The following PPP1R37 variants were observed in gnomAD, a reference collection of about 807,000 sequenced individuals.
The protein encoded by PPP1R37 is protein phosphatase 1 regulatory subunit 37, also known as leucine rich repeat containing 68.
PPP1R37 carries 21 observed loss-of-function variants against 61.0 expected under a neutral mutation model. That is an observed-to-expected ratio of 0.34 (90% CI 0.24 to 0.50). PPP1R37 has a LOEUF of 0.50. Ranked by LOEUF, PPP1R37 falls within the 20% of genes least tolerant of loss-of-function variation. The pLI is 0.98. For missense variants in PPP1R37, 910 were observed against 952.7 expected (o/e 0.96, Z 0.59); for synonymous variants, 443 against 433.5 (o/e 1.02, Z -0.27).
intron 1 of PPP1R37, among the ~76,000 whole-genome samples, chr19:45,133,062 G>A (rs568324714): frequency 9.9e-5 from 15 of 152,140 alleles, no homozygotes; most frequent in East Asian, 3.9e-4. Context: ...AGGCAGTCTC[G>A]CCCCAGAACT....
intron 1 of PPP1R37, among the ~76,000 whole-genome samples, chr19:45,108,334 C>T (rs1049809665): frequency 6.6e-6 from 1 of 152,064 alleles, no homozygotes; most frequent in African/African-American, 2.4e-5. Context: ...CTTAGCCTCC[C>T]GAGTAGCTGG....
chr19:45,129,175 G>A (rs928792556), intron 1 of PPP1R37: 1 of 352,022 alleles, frequency 2.8e-6, no homozygotes, highest in African/African-American at 2.2e-5. Flanking sequence ...CAATCTGTCG[G>A]GGAGCCCCTG....
At chr19:45,096,225 G>A (rs1021619646) in intron 1 of PPP1R37, among the ~76,000 whole-genome samples, 2 of 152,256 alleles carry the variant, frequency 1.3e-5, no homozygotes, top group Admixed American at 1.3e-4. Context: ...AGAGGGGAGA[G>A]ATGGCAGTCA....
In PPP1R37 at chr19:45,140,692, AG is replaced by A; in HGVS notation, c.447+91del. 7 of 1,030,798 alleles carry A rather than the reference AG, an allele frequency of 6.8e-6. No individual in the cohort carries two copies. The South Asian group carries it at 6.9e-5, about 10-fold the overall frequency. The allele number at this position is 1,030,798 out of a possible 1,614,324, so 63.9% of individuals were successfully genotyped here. ...GGTGGGGAGAGGACACTGCAGGAGG[AG>A]GGGGTCCCCTAGACAAAGGCTGAGG... On this transcript the variant is annotated intron_variant, in intron 4 of 12. Coordinates refer to ENST00000221462, the MANE Select transcript of PPP1R37 (RefSeq NM_019121.2).
At chr19:45,097,514 T>TG (rs941331686) in intron 1 of PPP1R37, among the ~76,000 whole-genome samples, 4 of 151,324 alleles carry the variant, frequency 2.6e-5, no homozygotes, top group African/African-American at 4.9e-5. Flanking sequence ...GTGGGAGCTG[T>TG]GGGGGGTGTC....
intron 9 of PPP1R37, 28 bp from the exon 10 acceptor site, chr19:45,145,066 G>T: frequency 6.6e-7 from 1 of 1,524,922 alleles, no homozygotes; most frequent in Non-Finnish European, 8.8e-7. Flanking sequence ...TGTGGGGCCC[G>T]TGGCCAGCCC....
rs1322755521 is a variant in PPP1R37, at chr19:45,141,409, G to A, written c.535G>A (p.Gly179Ser). The A allele has an allele frequency of 6.5e-7, 1 of 1,535,980 alleles. No individual in the cohort carries two copies. Among genetic ancestry groups the A allele is most frequent in the Non-Finnish European group, 8.7e-7 (1 of 1,146,834 alleles). The change falls in exon 5 of 13, where the codon GGC becomes AGC. Residue 179 changes from glycine (G) to serine (S), a missense_variant. This residue lies in a region of PPP1R37 where 280 missense variants were observed against 382.2 expected (regional missense o/e 0.73). Transcript: ENST00000221462. Reference protein sequence around the residue: ...ISFNKHIGTRGWQAAAHMMRK... With the variant: ...ISFNKHIGTRSWQAAAHMMRK... ...CTTCAACAAGCACATCGGCACCCGG[G>A]GCTGGCAGGCGGCCGCCCACATGAT...
At chr19:45,144,744 A>G in intron 8 of PPP1R37, 110 bp from the exon 9 acceptor site, 2 of 963,252 alleles carry the variant, frequency 2.1e-6, no homozygotes, top group African/African-American at 1.7e-5. Context: ...CGCGCGAAAG[A>G]AAAGGAGCGC....
chr19:45,122,912 C>G (rs1428280193), intron 1 of PPP1R37, among the ~76,000 whole-genome samples: 1 of 152,176 alleles, frequency 6.6e-6, no homozygotes, highest in East Asian at 1.9e-4. Context: ...CCTCTCGTCT[C>G]ACACTCCAGG....
In PPP1R37 at chr19:45,140,520, T is replaced by C. The variant is rs987887456; in HGVS notation, c.361T>C (p.Tyr121His). Residue 121 changes from tyrosine to histidine, a missense_variant, in exon 4 of 13, where the codon TAC becomes CAC. Transcript: ENST00000221462. ...CLDLKGEKLDYKTCEALEEVF... is the reference protein window; with the variant it reads ...CLDLKGEKLDHKTCEALEEVF... ...TCTCCCCCCAGGTGAGAAGCTTGAC[T>C]ACAAGACCTGTGAGGCCCTGGAAGA... The C allele has an allele frequency of 3.3e-6, 5 of 1,535,924 alleles. No homozygotes were observed. The highest frequency in any genetic ancestry group is 3.5e-6 in the Non-Finnish European group (4 of 1,146,762).
intron 1 of PPP1R37, among the ~76,000 whole-genome samples, chr19:45,096,460 G>A (rs897613743): frequency 6.6e-6 from 1 of 152,156 alleles, no homozygotes. Context: ...TTTTACCATG[G>A]GGTAGTTGTG....
chr19:45,125,509 G>A (rs79111501), intron 1 of PPP1R37, among the ~76,000 whole-genome samples: 17,194 of 152,138 alleles, frequency 0.11, 1,104 homozygotes, highest in Non-Finnish European at 0.14. Flanking sequence ...CTTCATTCGC[G>A]GAAGGCTGTT....
intron 5 of PPP1R37, 39 bp downstream of exon 5, chr19:45,141,480 C>CT (rs2122754815): frequency 1.3e-6 from 1 of 752,742 alleles, no homozygotes. Flanking sequence ...GCAGCTCAGG[C>CT]TCCCAGCACG....
chr19:45,124,420 T>C (rs930565491), intron 1 of PPP1R37, among the ~76,000 whole-genome samples: 2 of 152,042 alleles, frequency 1.3e-5, no homozygotes, highest in South Asian at 2.1e-4. Flanking sequence ...TTCTTTTTTT[T>C]CCCCCAATGA....
chr19:45,129,735 A>G (rs1454743613), intron 1 of PPP1R37, among the ~76,000 whole-genome samples: 2 of 151,988 alleles, frequency 1.3e-5, no homozygotes, highest in Admixed American at 1.3e-4. Flanking sequence ...CCCACAGACT[A>G]AGGCCAGCCC....
intron 1 of PPP1R37, among the ~76,000 whole-genome samples, chr19:45,114,528 G>A (rs10403214): frequency 0.18 from 26,827 of 152,172 alleles, 2,731 homozygotes; most frequent in African/African-American, 0.25. Context: ...GCCAGCCCAC[G>A]CTTGTTGGGG....
chr19:45,118,129 A>G (rs1662678309), intron 1 of PPP1R37, among the ~76,000 whole-genome samples: 6 of 152,216 alleles, frequency 3.9e-5, no homozygotes, highest in Admixed American at 2.0e-4. Context: ...AACTGCCTAC[A>G]GAGGTAGCTG....
intron 1 of PPP1R37, among the ~76,000 whole-genome samples, chr19:45,096,341 G>A (rs1348298953): frequency 6.6e-6 from 1 of 152,090 alleles, no homozygotes; most frequent in Admixed American, 6.5e-5. Flanking sequence ...GGGCTTTGGG[G>A]GGTAAAGTTT....
intron 1 of PPP1R37, among the ~76,000 whole-genome samples, chr19:45,100,728 C>T (rs1968052440): frequency 6.6e-6 from 1 of 152,182 alleles, no homozygotes; most frequent in South Asian, 2.1e-4. Flanking sequence ...GGCAACAGTG[C>T]TGGCTTTGCG....
Sources: allele counts gnomAD v4.1 joint callset (sites outside exome capture counted in the v4.1 genomes callset), GRCh38; gene constraint gnomAD v4.1.1; regional missense constraint gnomAD v4.1.1; transcripts MANE v1.5; gene names NCBI Gene and HGNC (gene_info 2026-07-23, HGNC 2026-07-21).